Variants in HARBI1 observed in about 807,000 individuals in gnomAD.
HARBI1 encodes putative nuclease HARBI1.
Under a neutral mutation model 25.3 loss-of-function variants are expected in HARBI1, and 15 were observed. The observed-to-expected ratio is 0.59, with a 90% CI of 0.40 to 0.91. HARBI1 has a LOEUF of 0.91. HARBI1 is among the 40% of genes least tolerant of loss of function. The pLI is 0.00. For synonymous variants in HARBI1, 168 were observed against 160.5 expected (o/e 1.05, Z -0.35); for missense variants, 396 against 445.8 (o/e 0.89, Z 1.01).
At chr11:46,609,814 C>T (rs1184081193) in intron 2 of HARBI1, among the ~76,000 whole-genome samples, 1 of 148,728 alleles carries the variant, frequency 6.7e-6, no homozygotes, top group Non-Finnish European at 1.5e-5. Context: ...CAGTGAGACC[C>T]AGACTCTACA....
Position 46,603,757 on chromosome 11 carries a change from C to G in HARBI1, c.823G>C (p.Asp275His). 1 of 1,614,184 alleles carries G rather than the reference C, an allele frequency of 6.2e-7. No homozygotes were observed. Among genetic ancestry groups the G allele is most frequent in the Non-Finnish European group, 8.5e-7 (1 of 1,180,036 alleles). ...RTLCSRFRCL[D>H]GSKGALQYSP... ...TACTGCAGTGCCCCCTTGGATCCAT[C>G]CAGGCAGCGGAATCGGGAGCAGAGG... The change falls in exon 3 of 3, where the codon GAT becomes CAT. Residue 275 changes from aspartate (D) to histidine (H), a missense_variant. Physicochemically the swap from Asp to His is moderately conservative, Grantham distance 81. Transcript: ENST00000326737.
intron 2 of HARBI1, among the ~76,000 whole-genome samples, chr11:46,607,973 C>G (rs556984237): frequency 6.8e-6 from 1 of 146,546 alleles, no homozygotes; most frequent in Non-Finnish European, 1.5e-5. Flanking sequence ...AAATCTAGAA[C>G]TGTTCCTCAA....
rs2045348278 is a variant in HARBI1, at chr11:46,615,550, T to G, written c.670+18A>C. On this transcript the variant is annotated intron_variant, in intron 2 of 2. Transcript: ENST00000326737. Reference sequence around the variant, plus strand: ...CTATGCCTCCAAACAAAATGAAAATTCACACTTGCAAACTTACCCAGAAGC... The same window carrying G: ...CTATGCCTCCAAACAAAATGAAAATGCACACTTGCAAACTTACCCAGAAGC... The G allele has an allele frequency of 6.2e-7, 1 of 1,604,174 alleles. No homozygotes were observed.
intron 2 of HARBI1, among the ~76,000 whole-genome samples, chr11:46,613,264 C>T (rs1216041242): frequency 1.3e-5 from 2 of 152,010 alleles, no homozygotes; most frequent in South Asian, 2.1e-4. Flanking sequence ...AGATTATAGG[C>T]GTGAGCCACC....
At chr11:46,617,698 G>A, upstream of HARBI1, 1 of 397,246 alleles carries the variant, frequency 2.5e-6, no homozygotes, top group East Asian at 3.6e-5. Context: ...ACAACTCGCG[G>A]AGTCTTAGGA....
At position 46,603,637 on chromosome 11, in the gene HARBI1, T is replaced by C. The variant is rs985897244; in HGVS notation, c.943A>G (p.Thr315Ala). The change falls in exon 3 of 3, where the codon ACA (threonine) becomes GCA (alanine). Residue 315 changes from threonine to alanine, a missense_variant. Transcript: ENST00000326737. ...TCCGGGGGCTGTTCCATGGGTCCTG[T>C]CATTGGAGAGGACCAAACATCCATC... ...HGMDVWSSPMTGPMEQPPEEE... is the reference protein window; with the variant it reads ...HGMDVWSSPMAGPMEQPPEEE... 3 of 1,614,056 alleles carry C rather than the reference T, an allele frequency of 1.9e-6. No homozygotes were observed. The African/African-American group carries it at 4.0e-5, about 22-fold the overall frequency.
At chr11:46,617,571 T>A, upstream of HARBI1, 1 of 118,134 alleles carries the variant, frequency 8.5e-6, no homozygotes, top group Middle Eastern at 4.6e-3. Flanking sequence ...CCGAAGCGGA[T>A]GAAAACAAAC....
chr11:46,614,071 T>TC (rs1425978188), intron 2 of HARBI1, among the ~76,000 whole-genome samples: 1 of 151,920 alleles, frequency 6.6e-6, no homozygotes. Context: ...TATATACCTG[T>TC]AAGATAAATT....
rs146578505 is a variant in HARBI1 at position 46,605,317 on chromosome 11, C to G, written c.671-1408G>C. Among the ~76,000 whole-genome samples the G allele has an allele frequency of 8.5e-5, 13 of 152,142 alleles. No individual in the cohort carries two copies. In the South Asian group the frequency reaches 2.1e-3, roughly 24 times the overall value. ...CAGCCTCAACCTTCCAGCCTCCTAC[C>G]TCAGCCTCCCGAATATCTGGGACCA... On this transcript the variant is annotated intron_variant, in intron 2 of 2. Transcript: ENST00000326737.
intron 2 of HARBI1, among the ~76,000 whole-genome samples, chr11:46,615,208 G>T (rs1407139867): frequency 6.7e-6 from 1 of 148,516 alleles, no homozygotes; most frequent in Non-Finnish European, 1.5e-5. Context: ...TACACGTGCG[G>T]TCCCTTTTCT....
At chr11:46,604,152 C>T (rs2044852216) in intron 2 of HARBI1, 1 of 985,382 alleles carries the variant, frequency 1.0e-6, no homozygotes, top group Non-Finnish European at 1.2e-6. Flanking sequence ...AAAACGCTGG[C>T]ACCTAAAGGA....
In HARBI1 at chr11:46,603,831, T is replaced by C; in HGVS notation, c.749A>G (p.Asn250Ser). The C allele has an allele frequency of 6.2e-7, 1 of 1,614,172 alleles. No homozygotes were observed. The highest frequency in any genetic ancestry group is 8.5e-7 in the Non-Finnish European group (1 of 1,180,028). The change falls in exon 3 of 3, where the codon AAC (asparagine) becomes AGC (serine). Residue 250 changes from asparagine to serine, a missense_variant. By Grantham distance (46) the Asn-to-Ser change is conservative (BLOSUM62 1). Coordinates refer to ENST00000326737, the MANE Select transcript of HARBI1 (RefSeq NM_173811.4). ...ACTGTGAGTTGCAGAATGGGCCATG[T>C]TATAGCGATATTCTGCTGGAGTTTC... is the stretch of plus-strand genomic sequence containing the variant. The part of the protein sequence containing the change: ...IPETPAEYRY[N>S]MAHSATHSVI...
chr11:46,612,713 C>G (rs570090255), intron 2 of HARBI1, among the ~76,000 whole-genome samples: 1 of 151,452 alleles, frequency 6.6e-6, no homozygotes, highest in Admixed American at 6.6e-5. Context: ...TCTTGTTGCC[C>G]AGGCTGGAGT....
intron 2 of HARBI1, among the ~76,000 whole-genome samples, chr11:46,608,573 T>A (rs184852120): frequency 6.6e-6 from 1 of 151,726 alleles, no homozygotes; most frequent in Admixed American, 6.6e-5. Context: ...GCCTCCTGAG[T>A]AAGCTGGGAC....
At chr11:46,616,490 G>C (rs915421349) in intron 1 of HARBI1, 109 bp from the exon 2 acceptor site, 4 of 1,313,292 alleles carry the variant, frequency 3.0e-6, no homozygotes, top group Non-Finnish European at 3.9e-6. Flanking sequence ...GAGGCAAAAC[G>C]TACTGTACTT....
chr11:46,603,691 C>T lies in HARBI1; in HGVS notation c.889G>A (p.Val297Ile). The change falls in exon 3 of 3, where the codon GTC (valine) becomes ATC (isoleucine). Residue 297 changes from valine to isoleucine, a missense_variant. By Grantham distance (29) the Val-to-Ile change is conservative (BLOSUM62 3). Transcript: ENST00000326737. ...KSSHIILACC[V>I]LHNISLEHGM... The stretch of plus-strand genomic sequence containing the variant: ...TGCTCCAGGGAGATGTTGTGGAGGA[C>T]ACAACAGGCCAAGATGATATGGCTG... The T allele has an allele frequency of 6.2e-7, 1 of 1,614,126 alleles. No homozygotes were observed. The highest frequency in any genetic ancestry group is 8.5e-7 in the Non-Finnish European group (1 of 1,180,020).
chr11:46,615,148 G>A (rs1367035064), intron 2 of HARBI1, among the ~76,000 whole-genome samples: 1 of 151,878 alleles, frequency 6.6e-6, no homozygotes, highest in Non-Finnish European at 1.5e-5. Flanking sequence ...CCAACCTCAG[G>A]TGATCTGCCT....
chr11:46,617,543 C>A (rs537924218), upstream of HARBI1: 35 of 215,516 alleles, frequency 1.6e-4, 2 homozygotes, highest in South Asian at 8.8e-4. Flanking sequence ...CTCTTTCACC[C>A]CCCCCCCCCG....
chr11:46,604,006 T>C lies in HARBI1; in HGVS notation c.671-97A>G, dbSNP rs1486180722. The C allele has an allele frequency of 2.8e-6, 4 of 1,452,096 alleles. No individual in the cohort carries two copies. In the East Asian group the frequency reaches 7.4e-5, roughly 27 times the overall value. The allele number at this position is 1,452,096 out of a possible 1,614,324, so 90.0% of individuals were successfully genotyped here. ...CATATACTGACAATGGACAAGAAAATACAACAGCCTCTGGCGCCAAAGCAC... is the reference window on the plus strand; with the variant it reads ...CATATACTGACAATGGACAAGAAAACACAACAGCCTCTGGCGCCAAAGCAC... On this transcript the variant is annotated intron_variant, in intron 2 of 2. Coordinates refer to ENST00000326737, the MANE Select transcript of HARBI1 (RefSeq NM_173811.4).
Sources: gnomAD v4.1 joint callset for allele counts (sites outside exome capture counted in the v4.1 genomes callset) on GRCh38, gnomAD v4.1.1 for gene constraint, MANE v1.5 for transcripts, NCBI Gene and HGNC (gene_info 2026-07-23, HGNC 2026-07-21) for gene names.